GRB14: variants seen among roughly 807,000 people sequenced by gnomAD.
GRB14 encodes the protein growth factor receptor-bound protein 14.
Under a neutral mutation model 69.1 loss-of-function variants are expected in GRB14, and 38 were observed. That is an observed-to-expected ratio of 0.55 (90% confidence interval 0.42 to 0.72). GRB14 has a LOEUF of 0.72. Ranked by LOEUF, GRB14 falls within the 30% of genes least tolerant of loss-of-function variation. The probability of loss-of-function intolerance (pLI) is 0.00; values close to 1 mark genes in which losing one functional copy is unlikely to be tolerated. For missense variants in GRB14, 666 were observed against 666.1 expected, an observed-to-expected ratio of 1.00 and a Z score of 0.00; for synonymous variants, 247 against 241.3, an observed-to-expected ratio of 1.02 and a Z score of -0.22.
chr2:164,573,749 CT>C, intron 2 of GRB14: 1 of 1,608,798 alleles, frequency 6.2e-7, no homozygotes. Context: ...TCATGCCCGT[CT>C]CTTCATATTT....
At chr2:164,555,105 T>G (rs912193071) in intron 2 of GRB14, among the ~76,000 whole-genome samples, 4 of 152,206 alleles carry the variant, frequency 2.6e-5, no homozygotes, top group Admixed American at 6.6e-5. Flanking sequence ...AAGAACATAT[T>G]TGGAAAGCTA....
chr2:164,568,343 G>A (rs1476679840), intron 2 of GRB14: 28 of 1,288,788 alleles, frequency 2.2e-5, no homozygotes, highest in Non-Finnish European at 2.8e-5. Context: ...TGGCGTTATT[G>A]CAGGCAGAGT....
chr2:164,618,438 C>T (rs1486520749), intron 2 of GRB14, among the ~76,000 whole-genome samples: 1 of 152,148 alleles, frequency 6.6e-6, no homozygotes, highest in Non-Finnish European at 1.5e-5. Flanking sequence ...ATAAAGGTCT[C>T]AAGAGAGTCT....
chr2:164,591,996 C>T (rs1381973372), intron 2 of GRB14, among the ~76,000 whole-genome samples: 1 of 152,178 alleles, frequency 6.6e-6, no homozygotes, highest in Non-Finnish European at 1.5e-5. Flanking sequence ...TTGGTTCTCA[C>T]TTCTCTCTTG....
At chr2:164,550,145 T>C (rs917385407) in intron 2 of GRB14, among the ~76,000 whole-genome samples, 1 of 152,138 alleles carries the variant, frequency 6.6e-6, no homozygotes, top group Non-Finnish European at 1.5e-5. Context: ...GGCCAAAGAA[T>C]TGAATTTTAG....
chr2:164,565,278 T>TCA (rs145190294), intron 2 of GRB14, among the ~76,000 whole-genome samples: 18,479 of 125,704 alleles, frequency 0.15, 2,563 homozygotes, highest in African/African-American at 0.36. Flanking sequence ...TATCACACAC[T>TCA]CACACACACA....
chr2:164,579,991 A>C (rs554682748), intron 2 of GRB14, among the ~76,000 whole-genome samples: 1 of 152,354 alleles, frequency 6.6e-6, no homozygotes, highest in Non-Finnish European at 1.5e-5. Flanking sequence ...AGTACTTAAT[A>C]GAGTGCCATG....
intron 2 of GRB14, among the ~76,000 whole-genome samples, chr2:164,550,615 T>A (rs1040411454): frequency 6.6e-6 from 1 of 152,194 alleles, no homozygotes; most frequent in Non-Finnish European, 1.5e-5. Context: ...CCCAGCAATT[T>A]TTCTTAAGCA....
At chr2:164,513,660 G>A (rs531716648) in intron 6 of GRB14, among the ~76,000 whole-genome samples, 1 of 152,314 alleles carries the variant, frequency 6.6e-6, no homozygotes, top group South Asian at 2.1e-4. Context: ...TTGAATGTGT[G>A]TGCTAAGAAT....
At position 164,520,358 on chromosome 2, in the gene GRB14, A is replaced by C. The variant is rs553091701; in HGVS notation, c.816+1622T>G. On this transcript the variant is annotated intron_variant, in intron 6 of 13. Coordinates refer to ENST00000263915, the MANE Select transcript of GRB14 (RefSeq NM_004490.3). ...CTGACCTTATACAAAAATCAACTCA[A>C]GATGGATCAAAGGCTTAAATCTAAG... is the stretch of plus-strand genomic sequence containing the variant. Among the ~76,000 whole-genome samples the C allele has an allele frequency of 1.5e-4, 23 of 152,296 alleles. No individual in the cohort carries two copies. The East Asian group carries it at 4.0e-3, about 27-fold the overall frequency.
At chr2:164,493,525 T>G (rs796869476) in intron 13 of GRB14, among the ~76,000 whole-genome samples, 5 of 152,170 alleles carry the variant, frequency 3.3e-5, no homozygotes, top group African/African-American at 1.2e-4. Context: ...ACTTGAGAAA[T>G]TAATTTCCTT....
At position 164,621,296 on chromosome 2, in the gene GRB14, A is replaced by G; in HGVS notation, c.14T>C (p.Leu5Pro). 1 of 1,286,962 alleles carries G rather than the reference A, an allele frequency of 7.8e-7. No individual in the cohort carries two copies. Among genetic ancestry groups the G allele is most frequent in the South Asian group, 3.3e-5 (1 of 30,194 alleles). The allele number at this position is 1,286,962 out of a possible 1,614,324, so 79.7% of individuals were successfully genotyped here. A position where few individuals can be genotyped will look rare whatever the true frequency, so the allele number is the denominator to read the frequency against. The change falls in exon 1 of 14, where the codon CTG becomes CCG. Residue 5 changes from leucine to proline, a missense_variant. Transcript: ENST00000263915. This position sits in a 1 kb window ranked among gnomAD's most constrained non-coding sequence, Gnocchi z 6.0. ...GCTCGCGGCGCTCTGCCCATCTTGC[A>G]GGGAAGTGGTCATTGTCGCCGGCCG... The part of the protein sequence containing the change: MTTS[L>P]QDGQSAASRA...
intron 6 of GRB14, among the ~76,000 whole-genome samples, chr2:164,514,933 C>A (rs1327299753): frequency 6.6e-6 from 1 of 152,088 alleles, no homozygotes; most frequent in Non-Finnish European, 1.5e-5. Context: ...CCTGTAACTG[C>A]CGATTTTCCA....
chr2:164,574,327 C>T (rs973990928), intron 2 of GRB14, among the ~76,000 whole-genome samples: 6 of 151,604 alleles, frequency 4.0e-5, no homozygotes, highest in Non-Finnish European at 5.9e-5. Context: ...CTGCAACCTC[C>T]GCCTCCCGGG....
Position 164,496,198 on chromosome 2 carries a change from T to C in GRB14, c.1382+810A>G, listed in dbSNP as rs78583155. ...AATCTTGTCATGATAATGACATGAT[T>C]AGCCAACTTTTGAAGATAAAAGATC... is the stretch of plus-strand genomic sequence containing the variant. On this transcript the variant is annotated intron_variant, in intron 12 of 13. Transcript: ENST00000263915. Among the ~76,000 whole-genome samples the C allele has an allele frequency of 7.7e-3, 1,176 of 152,324 alleles. 14 individuals carry two copies. Among genetic ancestry groups the C allele is most frequent in the African/African-American group, 0.027 (1,130 of 41,576 alleles).
rs117025487 is a variant in GRB14, at chr2:164,579,797, C to T, written c.325-31981G>A. On this transcript the variant is annotated intron_variant, in intron 2 of 13. Transcript: ENST00000263915. ...AGGTAAGCCCATAGAAAAGGACCTCCACGAATCTATGCCAAATTTTTAACA... is the reference window on the plus strand; with the variant it reads ...AGGTAAGCCCATAGAAAAGGACCTCTACGAATCTATGCCAAATTTTTAACA... Among the ~76,000 whole-genome samples the T allele has an allele frequency of 7.2e-3, 1,090 of 152,192 alleles. 46 individuals carry two copies. Among genetic ancestry groups the T allele is most frequent in the East Asian group, 0.052 (267 of 5,158 alleles).
intron 2 of GRB14, among the ~76,000 whole-genome samples, chr2:164,608,677 G>C (rs1394832787): frequency 6.6e-6 from 1 of 151,966 alleles, no homozygotes; most frequent in Admixed American, 6.6e-5. Flanking sequence ...AATTCCTTTG[G>C]CAATTGTGTT....
intron 2 of GRB14, among the ~76,000 whole-genome samples, chr2:164,580,282 G>A (rs1383230239): frequency 1.3e-5 from 2 of 152,000 alleles, no homozygotes; most frequent in East Asian, 2.0e-4. Flanking sequence ...TAGTAGAGAC[G>A]GGGTTTTGCC....
intron 6 of GRB14, among the ~76,000 whole-genome samples, chr2:164,510,149 A>T (rs557236958): frequency 6.6e-6 from 1 of 152,334 alleles, no homozygotes; most frequent in African/African-American, 2.4e-5. Context: ...AAAATGTTTG[A>T]TTTCTAGTAA....
Sources: allele counts gnomAD v4.1 joint callset (sites outside exome capture counted in the v4.1 genomes callset), GRCh38; gene constraint gnomAD v4.1.1; non-coding constraint Gnocchi (gnomAD v3.1); transcripts MANE v1.5; gene names NCBI Gene and HGNC (gene_info 2026-07-23, HGNC 2026-07-21).